CCDC33: variants seen among roughly 807,000 people sequenced by gnomAD.
CCDC33 encodes coiled-coil domain containing 33.
A neutral mutation model predicts 91.9 loss-of-function variants in CCDC33; 94 were observed. The ratio of observed to expected loss-of-function variants is 1.02; its 90% CI spans 0.87 to 1.21. The LOEUF (loss-of-function observed/expected upper bound fraction) is 1.21, where lower values mean the gene tolerates loss of function less well. Ranked by LOEUF, CCDC33 falls within the 50% of genes most tolerant of loss-of-function variation. CCDC33 has a pLI of 0.00. For synonymous variants in CCDC33, 396 were observed against 374.5 expected (o/e 1.06, Z -0.66); for missense variants, 940 against 935.5 (o/e 1.00, Z -0.06).
At chr15:74,282,418 C>T (rs1372126220) in intron 10 of CCDC33, among the ~76,000 whole-genome samples, 7 of 152,140 alleles carry the variant, frequency 4.6e-5, no homozygotes, top group Non-Finnish European at 1.0e-4. Flanking sequence ...CCCACATGCC[C>T]CCTCACAATG....
intron 11 of CCDC33, 97 bp downstream of exon 11, chr15:74,296,045 TGGCCA>T (rs2059680364): frequency 1.8e-6 from 2 of 1,085,466 alleles, no homozygotes; most frequent in Admixed American, 2.7e-5. Context: ...ATGCCTCAGG[TGGCCA>T]GTAGACCTCC....
rs1312788652 is a variant in CCDC33 at position 74,316,092 on chromosome 15, G to T, written c.1291-14097G>T. On this transcript the variant is annotated intron_variant, in intron 11 of 18. Coordinates refer to ENST00000398814, the MANE Select transcript of CCDC33 (RefSeq NM_025055.5). This position sits in a 1 kb window ranked among gnomAD's most constrained non-coding sequence, Gnocchi z 4.7. ...TGTGTGTCTCACCCAGTGATAAGGG[G>T]TGGGCAAGGGGCAGGGGTGGGGGCT... Among the ~76,000 whole-genome samples the T allele has an allele frequency of 6.6e-6, 1 of 152,164 alleles. No homozygotes were observed. The highest frequency in any genetic ancestry group is 1.5e-5 in the Non-Finnish European group (1 of 68,028).
At chr15:74,233,213 A>C (rs979564583), upstream of CCDC33, among the ~76,000 whole-genome samples, 1 of 151,990 alleles carries the variant, frequency 6.6e-6, no homozygotes, top group Admixed American at 6.5e-5. Context: ...CTGCAAGTTC[A>C]CTCCTGGTAT....
At chr15:74,248,325 ATT>A (rs1265203576) in intron 2 of CCDC33, among the ~76,000 whole-genome samples, 3,906 of 151,116 alleles carry the variant, frequency 0.026, 176 homozygotes, top group African/African-American at 0.09. Context: ...TATTATATAT[ATT>A]ATATATAAGT....
chr15:74,317,799 C>T (rs1162799292), intron 11 of CCDC33, among the ~76,000 whole-genome samples: 2 of 151,706 alleles, frequency 1.3e-5, no homozygotes, highest in Admixed American at 1.3e-4. Flanking sequence ...AGGGGGTCTC[C>T]GCAACCCAGG....
Position 74,335,016 on chromosome 15 carries a change from TC to T in CCDC33, c.2068del (p.Leu690TrpfsTer21). 1.2e-6 allele frequency: 2 copies of T among 1,614,082 alleles called. No homozygotes were observed. Among genetic ancestry groups the T allele is most frequent in the Non-Finnish European group, 1.7e-6 (2 of 1,179,994 alleles). ...GACGCTGGGGACGAGAGAAGCAGGA[TC>T]TGGCCACACGGCTGCAGGAGCAAGA... ...ARRWGREKQD[L>X]ATRLQEQEKG... On this transcript the variant is annotated frameshift_variant, in exon 18 of 19. Transcript: ENST00000398814. LOFTEE classifies it high-confidence loss of function.
chr15:74,256,198 G>A (rs1286165027), intron 2 of CCDC33, among the ~76,000 whole-genome samples: 3 of 152,166 alleles, frequency 2.0e-5, no homozygotes, highest in East Asian at 3.9e-4. Context: ...GGCTCCAGTC[G>A]CCAGCACTAG....
rs1036584814 is a variant in CCDC33, at chr15:74,280,112, T to C, written c.889+20T>C. 3 of 1,613,358 alleles carry C rather than the reference T, an allele frequency of 1.9e-6. No individual in the cohort carries two copies. The highest frequency in any genetic ancestry group is 2.5e-6 in the Non-Finnish European group (3 of 1,179,572). On this transcript the variant is annotated intron_variant, in intron 8 of 18. Coordinates refer to ENST00000398814, the MANE Select transcript of CCDC33 (RefSeq NM_025055.5). ...CTTCAAGTACGTGACCCCTGGTGCCTCGCCAGGGCAGCCATGCCTCAGGAG... is the reference window on the plus strand; with the variant it reads ...CTTCAAGTACGTGACCCCTGGTGCCCCGCCAGGGCAGCCATGCCTCAGGAG...
intron 10 of CCDC33, among the ~76,000 whole-genome samples, chr15:74,295,221 A>G (rs2059662036): frequency 6.6e-6 from 1 of 152,242 alleles, no homozygotes; most frequent in Non-Finnish European, 1.5e-5. Context: ...GCCAGAGACT[A>G]GGGATAGACA....
At chr15:74,296,415 G>A (rs351193) in intron 11 of CCDC33, among the ~76,000 whole-genome samples, 126,850 of 152,072 alleles carry the variant, frequency 0.83, 54,152 homozygotes, top group Non-Finnish European at 0.92. Context: ...ACCCGAGGTC[G>A]GGAGTTCGAG....
Position 74,333,902 on chromosome 15 carries a change from G to T in CCDC33, c.1960G>T (p.Asp654Tyr). 1.2e-6 allele frequency: 2 copies of T among 1,613,590 alleles called. No homozygotes were observed. Among genetic ancestry groups the T allele is most frequent in the South Asian group, 2.2e-5 (2 of 91,046 alleles). ...ACAGGATCTCCTCTCTGGTACTTCA[G>T]ACAAGTTCAACCTCCTGGCCAAGCT... ...ALPDLLSGTS[D>Y]KFNLLAKLEH... The change falls in exon 17 of 19, where the codon GAC becomes TAC. Residue 654 changes from aspartate (D) to tyrosine (Y), a missense_variant. Coordinates refer to ENST00000398814, the MANE Select transcript of CCDC33 (RefSeq NM_025055.5).
chr15:74,317,803 AC>A (rs2060119978), intron 11 of CCDC33, among the ~76,000 whole-genome samples: 1 of 150,482 alleles, frequency 6.6e-6, no homozygotes, highest in Non-Finnish European at 1.5e-5. Flanking sequence ...GGTCTCCGCA[AC>A]CCAGGCTGAA....
intron 2 of CCDC33, among the ~76,000 whole-genome samples, chr15:74,255,183 CAG>C (rs1018286145): frequency 2.0e-5 from 3 of 152,040 alleles, no homozygotes; most frequent in Non-Finnish European, 2.9e-5. Context: ...CGTCTCCACT[CAG>C]ACTCAGCCTT....
At chr15:74,293,698 C>T (rs1193432990) in intron 10 of CCDC33, among the ~76,000 whole-genome samples, 1 of 152,150 alleles carries the variant, frequency 6.6e-6, no homozygotes, top group Admixed American at 6.6e-5. Flanking sequence ...CAAAACAGGC[C>T]CAGGAGTCTT....
At chr15:74,216,045 G>A (rs922424945), upstream of CCDC33, among the ~76,000 whole-genome samples, 1 of 152,168 alleles carries the variant, frequency 6.6e-6, no homozygotes, top group Admixed American at 6.5e-5. Flanking sequence ...CGTGCACAAA[G>A]GTTGGCCCTA....
chr15:74,239,659 A>G (rs927204752), intron 1 of CCDC33, among the ~76,000 whole-genome samples: 4 of 152,178 alleles, frequency 2.6e-5, no homozygotes, highest in African/African-American at 9.7e-5. Flanking sequence ...CTGCCTGGAA[A>G]AGCTGCCTGC....
At chr15:74,215,986 G>A (rs1440278740), upstream of CCDC33, among the ~76,000 whole-genome samples, 6 of 152,182 alleles carry the variant, frequency 3.9e-5, no homozygotes, top group South Asian at 4.1e-4. Flanking sequence ...GGGATAAACC[G>A]GCGTGATTCT....
intron 17 of CCDC33, among the ~76,000 whole-genome samples, chr15:74,334,184 A>C (rs2060505465): frequency 6.6e-6 from 1 of 150,720 alleles, no homozygotes; most frequent in Non-Finnish European, 1.5e-5. Flanking sequence ...TTCAGTGTAC[A>C]ACCAGGGTTA....
chr15:74,278,044 A>G (rs1159502939), intron 7 of CCDC33, among the ~76,000 whole-genome samples: 1 of 152,162 alleles, frequency 6.6e-6, no homozygotes, highest in Non-Finnish European at 1.5e-5. Flanking sequence ...GATCACTCCC[A>G]AGCCCCACAG....
Sources: allele counts gnomAD v4.1 joint callset (sites outside exome capture counted in the v4.1 genomes callset), GRCh38; gene constraint gnomAD v4.1.1; non-coding constraint Gnocchi (gnomAD v3.1); transcripts MANE v1.5; gene names NCBI Gene and HGNC (gene_info 2026-07-23, HGNC 2026-07-21).